ZNF221: variants seen among roughly 807,000 people sequenced by gnomAD.
The protein encoded by ZNF221 is zinc finger protein 221.
ZNF221 carries 10 observed loss-of-function variants against 12.6 expected under a neutral mutation model. The ratio of observed to expected loss-of-function variants is 0.79; its 90% CI spans 0.49 to 1.34. The LOEUF (loss-of-function observed/expected upper bound fraction) is 1.34. Among genes scored for constraint, ZNF221 ranks in the 40% most tolerant of loss-of-function variants. The pLI is 0.00. For synonymous variants in ZNF221, 232 were observed against 244.0 expected (o/e 0.95, Z 0.46); for missense variants, 661 against 721.4 (o/e 0.92, Z 0.96).
chr19:43,965,190 C>T (rs763619041), intron 3 of ZNF221, 43 bp from the exon 4 acceptor site: 1 of 1,594,812 alleles, frequency 6.3e-7, no homozygotes, highest in Non-Finnish European at 8.6e-7. Context: ...CTAGATATTA[C>T]CTACAATGGG....
downstream of ZNF221, among the ~76,000 whole-genome samples, chr19:43,968,973 G>C (rs1314632990): frequency 2.6e-5 from 4 of 152,340 alleles, no homozygotes; most frequent in Admixed American, 1.3e-4. Context: ...GGCACACACA[G>C]AGACCCAGGA....
rs948963035 is a variant in ZNF221, at chr19:43,966,543, T to C, written c.1041T>C (p.Phe347=). ...GATGTGATACATGTGGCAAGAACTT[T>C]CGTCAGAGATCAGCACTTAATAGTC... ...PFRCDTCGKN[F]RQRSALNSHS... Residue 347 remains phenylalanine, a synonymous_variant, in exon 5 of 5, where the codon TTT becomes TTC. Coordinates refer to ENST00000587682, the MANE Select transcript of ZNF221 (RefSeq NM_001297588.2). 4 of 1,614,104 alleles carry C rather than the reference T, an allele frequency of 2.5e-6. No individual in the cohort carries two copies. The South Asian group carries it at 3.3e-5, about 13-fold the overall frequency.
Position 43,966,583 on chromosome 19 carries a change from A to G in ZNF221, c.1081A>G (p.Ile361Val), listed in dbSNP as rs914865759. ...SALNSHSMVHIEEKPYKCEQC... is the reference protein window; with the variant it reads ...SALNSHSMVHVEEKPYKCEQC... ...ACTTAATAGTCATTCCATGGTCCAC[A>G]TAGAAGAGAAGCCATACAAATGTGA... Residue 361 changes from isoleucine (I) to valine (V), a missense_variant, in exon 5 of 5, where the codon ATA becomes GTA. By Grantham distance (29) the Ile-to-Val change is conservative (BLOSUM62 3). Coordinates refer to ENST00000587682, the MANE Select transcript of ZNF221 (RefSeq NM_001297588.2). The G allele has an allele frequency of 1.1e-5, 17 of 1,614,212 alleles. No individual in the cohort carries two copies. The highest frequency in any genetic ancestry group is 1.4e-5 in the Non-Finnish European group (16 of 1,180,030).
chr19:43,974,487 A>G, the ZNF221 span, among the ~76,000 whole-genome samples: 1 of 152,210 alleles, frequency 6.6e-6, no homozygotes, highest in African/African-American at 2.4e-5. Context: ...AATCTTTGCA[A>G]TCTGTCCATC....
chr19:43,953,608 C>T (rs1974709578), intron 1 of ZNF221, among the ~76,000 whole-genome samples: 1 of 152,134 alleles, frequency 6.6e-6, no homozygotes, highest in Admixed American at 6.5e-5. Context: ...GGTGACCAGC[C>T]ACATCCTGAA....
At chr19:43,970,100 G>A (rs899074152), downstream of ZNF221, among the ~76,000 whole-genome samples, 12 of 152,158 alleles carry the variant, frequency 7.9e-5, no homozygotes, top group Non-Finnish European at 1.8e-4. Context: ...TTTCACTGGT[G>A]ACACCTCCAG....
chr19:43,972,950 A>G, the ZNF221 span, among the ~76,000 whole-genome samples: 1 of 152,116 alleles, frequency 6.6e-6, no homozygotes, highest in Non-Finnish European at 1.5e-5. Flanking sequence ...ATAAAACGAA[A>G]AAAGAAAACT....
At chr19:43,956,155 T>C (rs1460007872) in intron 1 of ZNF221, among the ~76,000 whole-genome samples, 2 of 152,160 alleles carry the variant, frequency 1.3e-5, no homozygotes, top group Non-Finnish European at 2.9e-5. Flanking sequence ...CAGCCTACAT[T>C]CCACATGGAG....
chr19:43,975,784 A>G, the ZNF221 span, among the ~76,000 whole-genome samples: 3 of 152,320 alleles, frequency 2.0e-5, no homozygotes, highest in East Asian at 5.8e-4. Context: ...AATGCAGGGT[A>G]CACTCAGCAC....
chr19:43,962,818 C>T lies in ZNF221; in HGVS notation c.81+11C>T. 6.2e-7 allele frequency: 1 copy of T among 1,607,248 alleles called. No individual in the cohort carries two copies. Among genetic ancestry groups the T allele is most frequent in the Non-Finnish European group, 8.5e-7 (1 of 1,174,978 alleles). On this transcript the variant is annotated intron_variant, in intron 2 of 4. Coordinates refer to ENST00000587682, the MANE Select transcript of ZNF221 (RefSeq NM_001297588.2). ...ATGACCACATTCAAAGTGAGTAGGG[C>T]TTGCCTCTCTTGCTGTTAAAATTCC...
chr19:43,965,415 T>C (rs1215721280), intron 4 of ZNF221, 90 bp downstream of exon 4: 1 of 1,173,060 alleles, frequency 8.5e-7, no homozygotes, highest in Admixed American at 2.8e-5. Flanking sequence ...CTGGTCTAAA[T>C]TGCCAAACTT....
chr19:43,964,712 G>T (rs1974907121), intron 2 of ZNF221, among the ~76,000 whole-genome samples: 1 of 152,208 alleles, frequency 6.6e-6, no homozygotes, highest in African/African-American at 2.4e-5. Context: ...CTCAATGACT[G>T]CACAAAGTAA....
downstream of ZNF221, among the ~76,000 whole-genome samples, chr19:43,970,154 G>A (rs997247749): frequency 2.0e-5 from 3 of 152,062 alleles, no homozygotes; most frequent in African/African-American, 7.2e-5. Flanking sequence ...GCAGACCCCA[G>A]CAAACTGTGG....
the ZNF221 span, among the ~76,000 whole-genome samples, chr19:43,974,017 G>A: frequency 2.0e-5 from 3 of 152,202 alleles, no homozygotes; most frequent in Non-Finnish European, 4.4e-5. Context: ...CAAGGCTACA[G>A]TAACGAAAAC....
At chr19:43,952,810 T>A (rs780853883) in intron 1 of ZNF221, among the ~76,000 whole-genome samples, 2 of 152,014 alleles carry the variant, frequency 1.3e-5, no homozygotes, top group Non-Finnish European at 2.9e-5. Context: ...TTGTCAACTA[T>A]TTTTTTTCAC....
rs149952315 is a variant in ZNF221, at chr19:43,965,948, A to G, written c.446A>G (p.Glu149Gly). Residue 149 changes from glutamate to glycine, a missense_variant, in exon 5 of 5, where the codon GAA (glutamate) becomes GGA (glycine). Coordinates refer to ENST00000587682, the MANE Select transcript of ZNF221 (RefSeq NM_001297588.2). ...AGGAACAGCTCTCAGTTCTTCAAAG[A>G]AGGTGATGTCCCCTGCCAGATTGAG... Reference protein sequence around the residue: ...SIRNSSQFFKEGDVPCQIEAR... With the variant: ...SIRNSSQFFKGGDVPCQIEAR... 9.1e-5 allele frequency: 147 copies of G among 1,614,096 alleles called. No individual in the cohort carries two copies. Among genetic ancestry groups the G allele is most frequent in the Non-Finnish European group, 1.1e-4 (129 of 1,180,030 alleles).
the ZNF221 span, among the ~76,000 whole-genome samples, chr19:43,975,695 A>T: frequency 1.3e-5 from 2 of 152,266 alleles, no homozygotes; most frequent in Non-Finnish European, 2.9e-5. Context: ...AACTTAAAAT[A>T]AAAGTTGAAG....
At chr19:43,962,613 A>G (rs1382947671) in intron 1 of ZNF221, 112 bp from the exon 2 acceptor site, 7 of 1,046,710 alleles carry the variant, frequency 6.7e-6, no homozygotes, top group Non-Finnish European at 8.8e-6. Context: ...GGTTATGAGT[A>G]ATGCTGCTAT....
chr19:43,954,489 C>T (rs1974723217), intron 1 of ZNF221, among the ~76,000 whole-genome samples: 1 of 152,170 alleles, frequency 6.6e-6, no homozygotes. Context: ...CTAGCAAATG[C>T]TTCCCCCTCA....
Sources: gnomAD v4.1 joint callset for allele counts (sites outside exome capture counted in the v4.1 genomes callset) on GRCh38, gnomAD v4.1.1 for gene constraint, MANE v1.5 for transcripts, NCBI Gene and HGNC (gene_info 2026-07-23, HGNC 2026-07-21) for gene names.